Variants in GADL1 observed in about 807,000 individuals in gnomAD.
GADL1 encodes the protein GAD like acidic amino acid decarboxylase 1, also known as acidic amino acid decarboxylase GADL1.
A neutral mutation model predicts 69.5 loss-of-function variants in GADL1; 71 were observed. The observed-to-expected ratio is 1.02, with a 90% CI of 0.84 to 1.25. The LOEUF (loss-of-function observed/expected upper bound fraction) is 1.25. GADL1 is among the 50% of genes most tolerant of loss of function. The pLI, the probability that GADL1 is intolerant of heterozygous loss-of-function variation, is 0.00. For synonymous variants in GADL1, 254 were observed against 214.4 expected, an observed-to-expected ratio of 1.18 and a Z score of -1.62; for missense variants, 737 against 631.8, an observed-to-expected ratio of 1.17 and a Z score of -1.79.
chr3:30,785,296 A>G, intron 13 of GADL1, among the ~76,000 whole-genome samples: 1 of 151,826 alleles, frequency 6.6e-6, no homozygotes. Flanking sequence ...TCTGTTTTCT[A>G]TCTCCTGTGC....
intron 13 of GADL1, among the ~76,000 whole-genome samples, chr3:30,780,312 T>G (rs990814387): frequency 6.6e-6 from 1 of 152,148 alleles, no homozygotes; most frequent in Non-Finnish European, 1.5e-5. Flanking sequence ...CAGTAAACTT[T>G]TCTGCTATCC....
chr3:30,851,333 T>C (rs917381451), intron 4 of GADL1, among the ~76,000 whole-genome samples: 1 of 152,118 alleles, frequency 6.6e-6, no homozygotes, highest in African/African-American at 2.4e-5. Context: ...GGTAACCAAG[T>C]TTTATCAGAT....
chr3:30,832,824 C>A (rs13319325), intron 11 of GADL1, among the ~76,000 whole-genome samples: 55,062 of 151,828 alleles, frequency 0.36, 13,819 homozygotes, highest in African/African-American at 0.68. Flanking sequence ...ACATTCAACT[C>A]TATCCAACCT....
At chr3:30,830,186 C>G (rs975890801) in intron 11 of GADL1, among the ~76,000 whole-genome samples, 1 of 151,822 alleles carries the variant, frequency 6.6e-6, no homozygotes, top group African/African-American at 2.4e-5. Flanking sequence ...TGTTAAGAAC[C>G]TCATTCTGGA....
chr3:30,854,837 AACT>A (rs1575235922), intron 3 of GADL1, 48 bp from the exon 4 acceptor site: 3 of 943,730 alleles, frequency 3.2e-6, no homozygotes, highest in South Asian at 1.5e-5. Context: ...TAAAAAAAAA[AACT>A]ACTGATACAG....
intron 3 of GADL1, among the ~76,000 whole-genome samples, chr3:30,856,096 G>GA (rs1382776508): frequency 6.6e-6 from 1 of 151,942 alleles, no homozygotes; most frequent in African/African-American, 2.4e-5. Flanking sequence ...GTAATAATAA[G>GA]ATACATATCT....
At chr3:30,833,230 AAC>A (rs767715706) in intron 11 of GADL1, among the ~76,000 whole-genome samples, 22 of 152,030 alleles carry the variant, frequency 1.4e-4, no homozygotes, top group African/African-American at 4.6e-4. Context: ...ACCCATGGAA[AAC>A]ACAGAGTTTA....
chr3:30,854,532 A>C (rs1457659437), intron 4 of GADL1, among the ~76,000 whole-genome samples, 167 bp downstream of exon 4: 3 of 152,156 alleles, frequency 2.0e-5, no homozygotes, highest in Non-Finnish European at 4.4e-5. Context: ...ACCACTATTT[A>C]AATCAAATAG....
intron 13 of GADL1, among the ~76,000 whole-genome samples, chr3:30,782,511 A>T (rs1696688355): frequency 1.3e-5 from 2 of 151,888 alleles, no homozygotes; most frequent in Admixed American, 1.3e-4. Context: ...AAAATACTAC[A>T]CTTAAGTTTT....
intron 14 of GADL1, among the ~76,000 whole-genome samples, chr3:30,770,506 G>T (rs759995527): frequency 5.3e-5 from 8 of 152,190 alleles, no homozygotes; most frequent in Non-Finnish European, 1.0e-4. Flanking sequence ...ATGAAATGCA[G>T]ATTTAGCTGT....
intron 14 of GADL1, among the ~76,000 whole-genome samples, chr3:30,753,184 G>T (rs894830782): frequency 2.6e-5 from 4 of 152,064 alleles, no homozygotes; most frequent in Non-Finnish European, 5.9e-5. Context: ...ACGCTACACA[G>T]GCCCCACCCC....
At chr3:30,754,631 AC>A (rs1695919824) in intron 14 of GADL1, among the ~76,000 whole-genome samples, 1 of 101,580 alleles carries the variant, frequency 9.8e-6, no homozygotes, top group East Asian at 2.7e-4. Flanking sequence ...AGCCAAGAAT[AC>A]AAAAAAAAAA....
rs1056764056 is a variant in GADL1 at position 30,743,904 on chromosome 3, C to A, written c.1393-15489G>T. Among the ~76,000 whole-genome samples the A allele has an allele frequency of 2.6e-5, 4 of 152,104 alleles. No homozygotes were observed. In the East Asian group the frequency reaches 7.7e-4, roughly 29 times the overall value. ...GTGTTTCTGCCAGGCTTTCTCCTTTCCCTTTGGTGCAAGAATAGCATTTCC... is the reference window on the plus strand; with the variant it reads ...GTGTTTCTGCCAGGCTTTCTCCTTTACCTTTGGTGCAAGAATAGCATTTCC... On this transcript the variant is annotated intron_variant, in intron 14 of 14. Transcript: ENST00000282538.
intron 14 of GADL1, among the ~76,000 whole-genome samples, chr3:30,759,128 G>T (rs795448): frequency 0.85 from 129,278 of 152,194 alleles, 55,374 homozygotes; most frequent in African/African-American, 0.93. Flanking sequence ...CTGGCATCTC[G>T]TAAGGCAAAT....
chr3:30,804,565 C>T (rs958434738), intron 11 of GADL1, among the ~76,000 whole-genome samples: 8 of 115,180 alleles, frequency 6.9e-5, no homozygotes, highest in African/African-American at 3.1e-4. Context: ...CTTCATCCTT[C>T]TTACTTATCT....
chr3:30,874,924 G>A (rs970031364), intron 1 of GADL1, among the ~76,000 whole-genome samples: 2 of 151,866 alleles, frequency 1.3e-5, no homozygotes, highest in Admixed American at 1.3e-4. Flanking sequence ...TAATTGCTTC[G>A]GGGTAATTCT....
intron 11 of GADL1, among the ~76,000 whole-genome samples, chr3:30,830,681 G>A (rs1367396909): frequency 6.6e-6 from 1 of 151,914 alleles, no homozygotes; most frequent in African/African-American, 2.4e-5. Flanking sequence ...TATGACCTCA[G>A]ATATCATCTA....
chr3:30,737,589 C>G lies in GADL1; in HGVS notation c.1393-9174G>C, dbSNP rs887193999. 2.6e-5 allele frequency among the ~76,000 whole-genome samples: 4 copies of G among 152,154 alleles called. No homozygotes were observed. The East Asian group carries it at 7.7e-4, about 29-fold the overall frequency. On this transcript the variant is annotated intron_variant, in intron 14 of 14. Transcript: ENST00000282538. The stretch of plus-strand genomic sequence containing the variant: ...CTTACTCATTTCCCCTGATACCTCC[C>G]CAATCCATAATTTAGAGGTAAAATG...
At chr3:30,850,532 A>G (rs1345493434) in intron 5 of GADL1, among the ~76,000 whole-genome samples, 1 of 152,148 alleles carries the variant, frequency 6.6e-6, no homozygotes, top group African/African-American at 2.4e-5. Context: ...TCTCAAGTAA[A>G]ATTTGATTTT....
Sources: allele counts gnomAD v4.1 joint callset (sites outside exome capture counted in the v4.1 genomes callset), GRCh38; gene constraint gnomAD v4.1.1; transcripts MANE v1.5; gene names NCBI Gene and HGNC (gene_info 2026-07-23, HGNC 2026-07-21).